The following EDA variants were observed in gnomAD, a reference collection of about 807,000 sequenced individuals.
EDA encodes the protein ectodysplasin A.
EDA carries 2 observed loss-of-function variants against 23.6 expected under a neutral mutation model. The ratio of observed to expected loss-of-function variants is 0.08; its 90% CI spans 0.03 to 0.27. The LOEUF is 0.27. Ranked by LOEUF, EDA falls within the 10% of genes least tolerant of loss-of-function variation. The pLI is 1.00. For missense variants in EDA, 229 were observed against 324.2 expected (o/e 0.71, Z 2.26); for synonymous variants, 131 against 132.0 (o/e 0.99, Z 0.05).
chrX:69,928,315 A>G (rs930649121), intron 1 of EDA, among the ~76,000 whole-genome samples: 12 of 111,737 alleles, frequency 1.1e-4, no homozygotes, highest in African/African-American at 3.9e-4. Flanking sequence ...ATATGAAACA[A>G]TACTGTGTAA....
chrX:69,821,531 CTAA>C (rs1412052322), intron 1 of EDA, among the ~76,000 whole-genome samples: 1 of 112,124 alleles, frequency 8.9e-6, no homozygotes, highest in Non-Finnish European at 1.9e-5. Flanking sequence ...GTTAGTCTCA[CTAA>C]TAATAATTTA....
At chrX:69,766,652 A>G (rs1323622532) in intron 1 of EDA, among the ~76,000 whole-genome samples, 13 of 112,171 alleles carry the variant, frequency 1.2e-4, no homozygotes, top group South Asian at 3.7e-4. Context: ...ATAGTATTCC[A>G]TGGTGTATAT....
At chrX:69,899,260 T>C (rs1453604170) in intron 1 of EDA, among the ~76,000 whole-genome samples, 4 of 111,913 alleles carry the variant, frequency 3.6e-5, no homozygotes, top group African/African-American at 1.3e-4. Context: ...CTAGATTTGC[T>C]GTAATAGCCT....
chrX:69,766,176 C>T (rs1164787699), intron 1 of EDA, among the ~76,000 whole-genome samples: 1 of 111,899 alleles, frequency 8.9e-6, no homozygotes, highest in Non-Finnish European at 1.9e-5. Flanking sequence ...CTCCTGTTCT[C>T]CCTGTTCTGC....
At chrX:69,888,246 T>C (rs758835856) in intron 1 of EDA, among the ~76,000 whole-genome samples, 1 of 111,140 alleles carries the variant, frequency 9.0e-6, no homozygotes, top group South Asian at 3.8e-4. Flanking sequence ...AAATATAAGA[T>C]GTTCTGTCTA....
intron 1 of EDA, chrX:69,620,945 A>G: frequency 2.7e-6 from 1 of 371,729 alleles, no homozygotes; most frequent in Admixed American, 2.8e-5. Flanking sequence ...AGCTATGCTT[A>G]GGTGAGTAAA....
At chrX:69,809,641 G>C in intron 1 of EDA, among the ~76,000 whole-genome samples, 1 of 111,428 alleles carries the variant, frequency 9.0e-6, no homozygotes, top group Non-Finnish European at 1.9e-5. Context: ...TCCCCGAATA[G>C]TATAAGAAGT....
intron 1 of EDA, among the ~76,000 whole-genome samples, chrX:69,683,881 CT>C (rs939024669): frequency 3.6e-5 from 4 of 112,443 alleles, no homozygotes; most frequent in African/African-American, 1.3e-4. Flanking sequence ...GCTTTTTTAT[CT>C]GCAGTTGCAG....
At chrX:69,707,902 T>C (rs748659111) in intron 1 of EDA, among the ~76,000 whole-genome samples, 1 of 111,264 alleles carries the variant, frequency 9.0e-6, no homozygotes, top group African/African-American at 3.3e-5. Context: ...TCTGAATCCA[T>C]TGTGGATTTA....
intron 1 of EDA, among the ~76,000 whole-genome samples, chrX:69,837,129 C>T (rs12853659): frequency 0.3 from 33,502 of 110,642 alleles, 4,750 homozygotes; most frequent in Middle Eastern, 0.54. Context: ...ATAATCACAT[C>T]GGGGTAAAAC....
chrX:69,798,826 A>G (rs1253160705), intron 1 of EDA, among the ~76,000 whole-genome samples: 1 of 111,473 alleles, frequency 9.0e-6, no homozygotes, highest in Admixed American at 9.6e-5. Context: ...CAAAGGATCA[A>G]TAAATAAAAA....
intron 1 of EDA, among the ~76,000 whole-genome samples, chrX:69,900,170 C>A (rs985770883): frequency 9.1e-6 from 1 of 110,047 alleles, no homozygotes; most frequent in Admixed American, 9.7e-5. Flanking sequence ...TCATAATCAG[C>A]ATATTGCATA....
At chrX:69,890,396 C>CAA (rs1411549549) in intron 1 of EDA, among the ~76,000 whole-genome samples, 2 of 98,698 alleles carry the variant, frequency 2.0e-5, no homozygotes, top group African/African-American at 7.3e-5. Flanking sequence ...TATATGGAAC[C>CAA]AAAAAAAAAA....
intron 1 of EDA, among the ~76,000 whole-genome samples, chrX:69,707,780 A>C (rs2011787754): frequency 9.0e-6 from 1 of 111,413 alleles, no homozygotes; most frequent in African/African-American, 3.3e-5. Context: ...ATGATTTCCT[A>C]TCATATTCTA....
At chrX:69,765,383 T>TTAAATTAG (rs2014440529) in intron 1 of EDA, among the ~76,000 whole-genome samples, 1 of 111,995 alleles carries the variant, frequency 8.9e-6, no homozygotes, top group Non-Finnish European at 1.9e-5. Flanking sequence ...GAGTAACCCT[T>TTAAATTAG]AGTTCCATTT....
At chrX:69,874,608 A>G (rs1028300825) in intron 1 of EDA, among the ~76,000 whole-genome samples, 2 of 111,625 alleles carry the variant, frequency 1.8e-5, no homozygotes, top group Non-Finnish European at 3.8e-5. Flanking sequence ...CACTTTCACC[A>G]TTTCTATTCA....
chrX:69,989,954 T>TC (rs2019560363), intron 2 of EDA, among the ~76,000 whole-genome samples: 1 of 98,214 alleles, frequency 1.0e-5, no homozygotes. Flanking sequence ...TTTTTTTTTT[T>TC]CATTTTTTGT....
intron 1 of EDA, among the ~76,000 whole-genome samples, chrX:69,715,266 A>G (rs1420833455): frequency 2.7e-5 from 3 of 109,395 alleles, no homozygotes; most frequent in Non-Finnish European, 5.7e-5. Context: ...AGTAGGCCCC[A>G]GTGTCTAACA....
chrX:69,830,200 G>T (rs2016572662), intron 1 of EDA, among the ~76,000 whole-genome samples: 4 of 110,983 alleles, frequency 3.6e-5, no homozygotes, highest in Non-Finnish European at 5.7e-5. Context: ...TTGACAAAAT[G>T]GTTTCTATCA....
Sources: gnomAD v4.1 joint callset for allele counts (sites outside exome capture counted in the v4.1 genomes callset) on GRCh38, gnomAD v4.1.1 for gene constraint, MANE v1.5 for transcripts, NCBI Gene and HGNC (gene_info 2026-07-23, HGNC 2026-07-21) for gene names.